Variants in KRCC1 observed in about 807,000 individuals in gnomAD.
KRCC1 encodes lysine rich coiled-coil 1.
A neutral mutation model predicts 7.4 loss-of-function variants in KRCC1; 3 were observed. The ratio of observed to expected loss-of-function variants is 0.40; its 90% CI spans 0.18 to 1.04. The LOEUF is 1.04. Among genes scored for constraint, KRCC1 ranks in the 50% least tolerant of loss-of-function variants. KRCC1 has a pLI of 0.33. For synonymous variants in KRCC1, 102 were observed against 101.6 expected (o/e 1.00, Z -0.02); for missense variants, 277 against 300.9 (o/e 0.92, Z 0.59).
intron 1 of KRCC1, among the ~76,000 whole-genome samples, chr2:88,048,038 T>C (rs920717031): frequency 6.6e-6 from 1 of 152,102 alleles, no homozygotes; most frequent in African/African-American, 2.4e-5. Context: ...TATCTCTCCA[T>C]CATTTGCACC....
chr2:88,045,416 T>C (rs1049997247), intron 1 of KRCC1, among the ~76,000 whole-genome samples: 2 of 152,088 alleles, frequency 1.3e-5, no homozygotes, highest in Non-Finnish European at 2.9e-5. Flanking sequence ...CAGCAACACA[T>C]GCAACACGGA....
At chr2:88,033,436 G>A (rs183803330) in intron 3 of KRCC1, among the ~76,000 whole-genome samples, 2,099 of 152,252 alleles carry the variant, frequency 0.014, 33 homozygotes, top group Non-Finnish European at 0.024. Flanking sequence ...TGAGGCAGGA[G>A]AATTGCTTGA....
chr2:88,048,808 C>T (rs1214613739), intron 1 of KRCC1, among the ~76,000 whole-genome samples: 1 of 152,122 alleles, frequency 6.6e-6, no homozygotes, highest in Non-Finnish European at 1.5e-5. Context: ...TAGTAAAGAC[C>T]ACGCAGAGCA....
chr2:88,043,773 G>T (rs554690116), intron 1 of KRCC1, among the ~76,000 whole-genome samples: 1 of 152,154 alleles, frequency 6.6e-6, no homozygotes, highest in Non-Finnish European at 1.5e-5. Context: ...GGGTTCAAGC[G>T]GTTCTCCTGC....
chr2:88,029,541 A>G (rs1672952785), intron 3 of KRCC1, among the ~76,000 whole-genome samples: 1 of 151,930 alleles, frequency 6.6e-6, no homozygotes, highest in Admixed American at 6.6e-5. Flanking sequence ...TCATTCCACT[A>G]CTTCTGATTG....
chr2:88,038,599 C>A (rs1673141833), intron 1 of KRCC1, among the ~76,000 whole-genome samples: 2 of 152,142 alleles, frequency 1.3e-5, no homozygotes, highest in Non-Finnish European at 2.9e-5. Context: ...TACACTGTTA[C>A]AAAGACATAA....
intron 1 of KRCC1, among the ~76,000 whole-genome samples, chr2:88,055,264 CTATT>C (rs1295963350): frequency 1.3e-5 from 2 of 152,146 alleles, no homozygotes; most frequent in African/African-American, 2.4e-5. Flanking sequence ...GGGCTTTTCT[CTATT>C]TATCCCTGTC....
At chr2:88,046,686 T>C (rs773456255) in intron 1 of KRCC1, among the ~76,000 whole-genome samples, 1 of 152,256 alleles carries the variant, frequency 6.6e-6, no homozygotes, top group Non-Finnish European at 1.5e-5. Context: ...GTTTGGTTTT[T>C]TTGAGACATG....
chr2:88,036,243 A>G lies in KRCC1; in HGVS notation c.-182+700T>C, dbSNP rs537889170. ...CATCCAGGTCTCAGAGCGTGAGAAG[A>G]GCAGAATGGGAAAAGCCATTGTAAT... is the stretch of plus-strand genomic sequence containing the variant. On this transcript the variant is annotated intron_variant, in intron 2 of 3. Coordinates refer to ENST00000347055, the MANE Select transcript of KRCC1 (RefSeq NM_016618.3). Among the ~76,000 whole-genome samples, 5 of 152,302 alleles carry G rather than the reference A, an allele frequency of 3.3e-5. No individual in the cohort carries two copies. The South Asian group carries it at 1.0e-3, about 32-fold the overall frequency.
chr2:88,038,606 A>C (rs560898610), intron 1 of KRCC1, among the ~76,000 whole-genome samples: 1 of 152,246 alleles, frequency 6.6e-6, no homozygotes. Context: ...TTACAAAGAC[A>C]TAACAAAGAC....
At chr2:88,035,115 T>C (rs1341894947) in intron 2 of KRCC1, among the ~76,000 whole-genome samples, 2 of 152,212 alleles carry the variant, frequency 1.3e-5, no homozygotes, top group African/African-American at 4.8e-5. Context: ...AGTTTACGAA[T>C]AGAATTTCGC....
chr2:88,037,772 A>G (rs1326669925), intron 1 of KRCC1, among the ~76,000 whole-genome samples: 2 of 152,224 alleles, frequency 1.3e-5, no homozygotes, highest in African/African-American at 4.8e-5. Context: ...ACAACCACAC[A>G]AATTTCACTG....
At chr2:88,054,187 A>G (rs1673560764) in intron 1 of KRCC1, among the ~76,000 whole-genome samples, 2 of 152,204 alleles carry the variant, frequency 1.3e-5, no homozygotes, top group Non-Finnish European at 2.9e-5. Flanking sequence ...GAACTGCAAA[A>G]GCTCTCCCCA....
chr2:88,029,699 A>G (rs1672955438), intron 3 of KRCC1, among the ~76,000 whole-genome samples: 1 of 151,876 alleles, frequency 6.6e-6, no homozygotes, highest in Non-Finnish European at 1.5e-5. Context: ...TAGATACACC[A>G]TTTTTGTTTG....
At chr2:88,051,082 C>T (rs1263887757) in intron 1 of KRCC1, among the ~76,000 whole-genome samples, 3 of 151,402 alleles carry the variant, frequency 2.0e-5, no homozygotes, top group African/African-American at 7.3e-5. Flanking sequence ...CGGGGCCATG[C>T]CTGGCTAATT....
intron 1 of KRCC1, among the ~76,000 whole-genome samples, chr2:88,047,076 T>C (rs181645137): frequency 8.1e-4 from 123 of 152,352 alleles, no homozygotes; most frequent in African/African-American, 2.9e-3. Flanking sequence ...TGACTCATAA[T>C]TCAAAACTGT....
In KRCC1 at chr2:88,028,294, T is replaced by G; in HGVS notation, c.270A>C (p.Pro90=). The G allele has an allele frequency of 6.2e-7, 1 of 1,614,226 alleles. No homozygotes were observed. Among genetic ancestry groups the G allele is most frequent in the South Asian group, 1.1e-5 (1 of 91,092 alleles). ...TVENRLPQWL[P]AHDSRLRLDS... ...CTAGTCTCAATCTGCTGTCATGGGC[T>G]GGTAACCACTGAGGCAACCGATTTT... is the stretch of plus-strand genomic sequence containing the variant. The change falls in exon 4 of 4, where the codon CCA becomes CCC. Residue 90 remains proline (P), a synonymous_variant. Transcript: ENST00000347055.
At chr2:88,038,840 C>T (rs1398698563) in intron 1 of KRCC1, among the ~76,000 whole-genome samples, 1 of 152,086 alleles carries the variant, frequency 6.6e-6, no homozygotes, top group African/African-American at 2.4e-5. Context: ...GGGAAACTGC[C>T]CCCGATTCAA....
chr2:88,034,697 T>C (rs1673057827), intron 2 of KRCC1, among the ~76,000 whole-genome samples: 1 of 152,204 alleles, frequency 6.6e-6, no homozygotes, highest in Non-Finnish European at 1.5e-5. Context: ...ACATTTTGAA[T>C]ATACATGAAC....
Sources: allele counts gnomAD v4.1 joint callset (sites outside exome capture counted in the v4.1 genomes callset), GRCh38; gene constraint gnomAD v4.1.1; transcripts MANE v1.5; gene names NCBI Gene and HGNC (gene_info 2026-07-23, HGNC 2026-07-21).